Variants in SNCAIP observed in about 807,000 individuals in gnomAD.
The protein encoded by SNCAIP is synuclein alpha interacting protein.
In SNCAIP, 43 loss-of-function variants were observed where a neutral mutation model predicts 86.7. That is an observed-to-expected ratio of 0.50 (90% CI 0.39 to 0.64). The LOEUF is 0.64. Ranked by LOEUF, SNCAIP falls within the 30% of genes least tolerant of loss-of-function variation. SNCAIP has a pLI of 0.00. For missense variants in SNCAIP, 981 were observed against 1,103.1 expected (o/e 0.89, Z 1.57); for synonymous variants, 417 against 427.2 (o/e 0.98, Z 0.29).
rs182735461 is a variant in SNCAIP, at chr5:122,322,862, G to A, written c.-47+10578G>A. The stretch of plus-strand genomic sequence containing the variant: ...TCAAAATAGAATTTTGCATCTGTTG[G>A]CTACAGTTTTGGGAATGCTGCTTTC... On this transcript the variant is annotated intron_variant, in intron 1 of 10. Coordinates refer to ENST00000261368, the MANE Select transcript of SNCAIP (RefSeq NM_005460.4). 6.7e-4 allele frequency among the ~76,000 whole-genome samples: 102 copies of A among 152,250 alleles called. 1 individual carries two copies. Among genetic ancestry groups the A allele is most frequent in the Middle Eastern group, 3.4e-3 (1 of 294 alleles).
In SNCAIP at chr5:122,450,921, C is replaced by T. The variant is rs1254527492; in HGVS notation, c.2074C>T (p.Pro692Ser). 8 of 1,614,044 alleles carry T rather than the reference C, an allele frequency of 5.0e-6. No homozygotes were observed. The highest frequency in any genetic ancestry group is 6.8e-6 in the Non-Finnish European group (8 of 1,180,002). ...SNNSEDPKTT[P>S]VRKADRPRPQ... is the part of the protein sequence containing the mutation. ...CAACTCTGAGGACCCCAAGACTACC[C>T]CAGTGAGGAAGGCTGACCGACCAAG... The change falls in exon 10 of 11, where the codon CCA becomes TCA. Residue 692 changes from proline to serine, a missense_variant. By Grantham distance (74) the Pro-to-Ser change is moderately conservative. Coordinates refer to ENST00000261368, the MANE Select transcript of SNCAIP (RefSeq NM_005460.4).
intron 6 of SNCAIP, among the ~76,000 whole-genome samples, chr5:122,434,064 A>T (rs984128059): frequency 1.3e-5 from 2 of 152,204 alleles, no homozygotes; most frequent in African/African-American, 2.4e-5. Flanking sequence ...GTCAAAGAAC[A>T]TCTCTACTGG....
At chr5:122,346,265 G>T (rs1156561224) in intron 1 of SNCAIP, among the ~76,000 whole-genome samples, 2 of 152,150 alleles carry the variant, frequency 1.3e-5, no homozygotes, top group African/African-American at 4.8e-5. Context: ...GTTAGCAATT[G>T]AAATAAATTA....
At chr5:122,403,747 C>T in intron 2 of SNCAIP, 46 bp from the exon 3 acceptor site, 1 of 1,454,326 alleles carries the variant, frequency 6.9e-7, no homozygotes, top group Non-Finnish European at 9.7e-7. Flanking sequence ...TGAATGCTCG[C>T]ATTTTAAATT....
chr5:122,357,715 C>T (rs1044683214), intron 1 of SNCAIP, among the ~76,000 whole-genome samples: 1 of 150,686 alleles, frequency 6.6e-6, no homozygotes, highest in Non-Finnish European at 1.5e-5. Context: ...TGGAACTGTG[C>T]TGTTCTGTAG....
intron 1 of SNCAIP, among the ~76,000 whole-genome samples, chr5:122,349,449 A>T (rs1363199381): frequency 6.6e-6 from 1 of 152,228 alleles, no homozygotes; most frequent in Admixed American, 6.5e-5. Context: ...CGAAATGAAT[A>T]TAGATATGAT....
Position 122,332,126 on chromosome 5 carries a change from T to A in SNCAIP, c.-47+19842T>A, listed in dbSNP as rs1035920567. The stretch of plus-strand genomic sequence containing the variant: ...ATGCAAAGATGCATCAATAGGAAAA[T>A]TTTAAATCATTCTCCAACTCCAGAC... On this transcript the variant is annotated intron_variant, in intron 1 of 10. Coordinates refer to ENST00000261368, the MANE Select transcript of SNCAIP (RefSeq NM_005460.4). Among the ~76,000 whole-genome samples the A allele has an allele frequency of 2.0e-5, 3 of 152,216 alleles. No homozygotes were observed. In the East Asian group the frequency reaches 5.8e-4, roughly 29 times the overall value.
At chr5:122,415,721 GCTGCA>G (rs1775175466) in intron 3 of SNCAIP, among the ~76,000 whole-genome samples, 1 of 152,192 alleles carries the variant, frequency 6.6e-6, no homozygotes, top group African/African-American at 2.4e-5. Context: ...ATGTGTGCGT[GCTGCA>G]CGGCCAGAAG....
intron 8 of SNCAIP, among the ~76,000 whole-genome samples, chr5:122,445,888 G>A (rs1453155191): frequency 7.3e-5 from 11 of 151,422 alleles, no homozygotes; most frequent in Admixed American, 7.2e-4. Flanking sequence ...CCACTCTTTT[G>A]CCTTCAAGCT....
At chr5:122,426,335 A>G in intron 5 of SNCAIP, among the ~76,000 whole-genome samples, 1 of 152,232 alleles carries the variant, frequency 6.6e-6, no homozygotes, top group East Asian at 1.9e-4. Context: ...AAAGCTGAAT[A>G]ATCATAATTT....
At chr5:122,367,443 G>C (rs990004726) in intron 1 of SNCAIP, among the ~76,000 whole-genome samples, 2 of 152,168 alleles carry the variant, frequency 1.3e-5, no homozygotes, top group Non-Finnish European at 2.9e-5. Flanking sequence ...TAAGACGAGA[G>C]AAAAGACGGG....
intron 1 of SNCAIP, among the ~76,000 whole-genome samples, chr5:122,377,709 T>G (rs906158611): frequency 8.8e-6 from 1 of 113,474 alleles, no homozygotes; most frequent in African/African-American, 3.5e-5. Context: ...CCCACAACAG[T>G]CCCCAGAGTG....
intron 1 of SNCAIP, among the ~76,000 whole-genome samples, chr5:122,320,511 A>G (rs1031249366): frequency 1.3e-5 from 2 of 152,198 alleles, no homozygotes; most frequent in African/African-American, 4.8e-5. Context: ...AAGCGTGGTA[A>G]GTGTTATGAA....
At chr5:122,447,716 G>A (rs1782631883) in intron 8 of SNCAIP, among the ~76,000 whole-genome samples, 1 of 152,146 alleles carries the variant, frequency 6.6e-6, no homozygotes, top group Admixed American at 6.5e-5. Flanking sequence ...ATTATAGACT[G>A]TGGACCAAAT....
intron 2 of SNCAIP, 150 bp downstream of exon 2, chr5:122,391,341 G>A: frequency 2.9e-6 from 2 of 689,336 alleles, no homozygotes; most frequent in South Asian, 1.6e-5. Flanking sequence ...ACTCGGTGTG[G>A]TTTGGGGGGA....
chr5:122,324,727 G>A (rs2152680946), intron 1 of SNCAIP, among the ~76,000 whole-genome samples: 1 of 152,338 alleles, frequency 6.6e-6, no homozygotes, highest in Non-Finnish European at 1.5e-5. Flanking sequence ...TCACTGCTCA[G>A]CCACTAGTAG....
At chr5:122,350,530 T>A (rs1759551273) in intron 1 of SNCAIP, among the ~76,000 whole-genome samples, 1 of 151,858 alleles carries the variant, frequency 6.6e-6, no homozygotes, top group Non-Finnish European at 1.5e-5. Context: ...TTTTTTTTTT[T>A]AATCAATGTT....
Position 122,321,095 on chromosome 5 carries a change from G to C in SNCAIP, c.-47+8811G>C, listed in dbSNP as rs111790172. Among the ~76,000 whole-genome samples the C allele has an allele frequency of 8.4e-3, 1,284 of 152,206 alleles. 12 individuals are homozygous for C. Among genetic ancestry groups the C allele is most frequent in the African/African-American group, 0.029 (1,191 of 41,514 alleles). On this transcript the variant is annotated intron_variant, in intron 1 of 10. Transcript: ENST00000261368. ...TACACTGGCAGATAGAAATGTAATAGGATCCATGAATGGGAGCCATGCAGG... is the reference window on the plus strand; with the variant it reads ...TACACTGGCAGATAGAAATGTAATACGATCCATGAATGGGAGCCATGCAGG...
At chr5:122,404,297 G>C (rs756068134) in intron 3 of SNCAIP, among the ~76,000 whole-genome samples, 4 of 152,170 alleles carry the variant, frequency 2.6e-5, no homozygotes, top group Non-Finnish European at 5.9e-5. Flanking sequence ...TATCAGAGAT[G>C]CGACATGATA....
Sources: gnomAD v4.1 joint callset for allele counts (sites outside exome capture counted in the v4.1 genomes callset) on GRCh38, gnomAD v4.1.1 for gene constraint, MANE v1.5 for transcripts, NCBI Gene and HGNC (gene_info 2026-07-23, HGNC 2026-07-21) for gene names.